The following CERT1 variants were observed in gnomAD, a reference collection of about 807,000 sequenced individuals.
The protein encoded by CERT1 is ceramide transporter 1, also known as ceramide transfer protein.
A neutral mutation model predicts 87.9 loss-of-function variants in CERT1; 31 were observed. That is an observed-to-expected ratio of 0.35 (90% CI 0.27 to 0.48). The LOEUF is 0.48. CERT1 is among the 20% of genes least tolerant of loss of function. The pLI is 0.99. For synonymous variants in CERT1, 289 were observed against 250.9 expected, an observed-to-expected ratio of 1.15 and a Z score of -1.44; for missense variants, 487 against 758.0, an observed-to-expected ratio of 0.64 and a Z score of 4.20.
intron 2 of CERT1, among the ~76,000 whole-genome samples, chr5:75,497,578 A>G (rs2112448262): frequency 6.6e-6 from 1 of 152,098 alleles, no homozygotes; most frequent in East Asian, 1.9e-4. Flanking sequence ...AGGTAATTGA[A>G]TCATGGGGGC....
intron 2 of CERT1, among the ~76,000 whole-genome samples, chr5:75,478,035 G>GATTAGAAGGAAGA (rs1561291235): frequency 1.5e-4 from 23 of 152,202 alleles, no homozygotes; most frequent in African/African-American, 5.5e-4. Flanking sequence ...GGAAGAGGCC[G>GATTAGAAGGAAGA]GGCACAGTGA....
intron 11 of CERT1, among the ~76,000 whole-genome samples, chr5:75,394,205 G>C (rs6898308): frequency 0.06 from 9,099 of 152,168 alleles, 564 homozygotes; most frequent in African/African-American, 0.16. Context: ...CTAATGAAGA[G>C]TTTGGCAGTA....
intron 14 of CERT1, among the ~76,000 whole-genome samples, chr5:75,383,511 C>T (rs1216921082): frequency 1.3e-5 from 2 of 151,998 alleles, no homozygotes; most frequent in East Asian, 3.9e-4. Flanking sequence ...CTGACATTTA[C>T]TAAATTTTAG....
intron 3 of CERT1, among the ~76,000 whole-genome samples, chr5:75,442,849 T>G (rs1393274915): frequency 6.6e-6 from 1 of 152,186 alleles, no homozygotes; most frequent in African/African-American, 2.4e-5. Flanking sequence ...ACTTTTACTA[T>G]AGTATACGTT....
chr5:75,399,400 G>A lies in CERT1; in HGVS notation c.1111-13C>T. 6.2e-7 allele frequency: 1 copy of A among 1,605,600 alleles called. No homozygotes were observed. The highest frequency in any genetic ancestry group is 1.1e-5 in the South Asian group (1 of 90,840). ...AGCGACTATAGGGCTACCAGAGACAGACAAAGAAAAAACCAAGTAATCAGA... is the reference window on the plus strand; with the variant it reads ...AGCGACTATAGGGCTACCAGAGACAAACAAAGAAAAAACCAAGTAATCAGA... On this transcript the variant is annotated splice_polypyrimidine_tract_variant and intron_variant, in intron 10 of 16. Coordinates refer to ENST00000643780, the MANE Select transcript of CERT1 (RefSeq NM_001379029.1).
rs552286468 is a variant in CERT1 at position 75,462,225 on chromosome 5, T to G, written c.232-3044A>C. 6.4e-4 allele frequency among the ~76,000 whole-genome samples: 97 copies of G among 152,262 alleles called. 1 individual carries two copies. The highest frequency in any genetic ancestry group is 1.2e-3 in the Non-Finnish European group (82 of 68,016). On this transcript the variant is annotated intron_variant, in intron 2 of 16. Transcript: ENST00000643780. ...ATGGAAAACATTGAGAGGTGATAAA[T>G]ATAAGATATGATCTAAGGCAGCAGT...
chr5:75,449,961 T>C, intron 3 of CERT1, among the ~76,000 whole-genome samples: 1 of 152,166 alleles, frequency 6.6e-6, no homozygotes, highest in East Asian at 1.9e-4. Flanking sequence ...CATCTCTTCA[T>C]TGGTTGCATT....
intron 2 of CERT1, among the ~76,000 whole-genome samples, chr5:75,472,567 A>G (rs1033218980): frequency 6.6e-6 from 1 of 152,214 alleles, no homozygotes; most frequent in African/African-American, 2.4e-5. Flanking sequence ...AACTCAACTC[A>G]ATAACAAGAA....
chr5:75,400,845 C>T (rs1315545470), intron 9 of CERT1: 1 of 151,854 alleles, frequency 6.6e-6, no homozygotes, highest in Non-Finnish European at 1.5e-5. Flanking sequence ...CCTTCTTCCT[C>T]TTTAGTTTGC....
intron 12 of CERT1, among the ~76,000 whole-genome samples, chr5:75,389,171 G>A (rs1761930578): frequency 6.6e-6 from 1 of 152,062 alleles, no homozygotes; most frequent in Admixed American, 6.5e-5. Flanking sequence ...TAAAGGTGCA[G>A]TAAGAGAAGG....
chr5:75,510,133 C>T (rs1345343160), intron 1 of CERT1, among the ~76,000 whole-genome samples: 1 of 152,126 alleles, frequency 6.6e-6, no homozygotes, highest in Non-Finnish European at 1.5e-5. Flanking sequence ...TAGCCACTGG[C>T]TGCACATGAC....
At chr5:75,394,338 A>G (rs1184079888) in intron 11 of CERT1, among the ~76,000 whole-genome samples, 2 of 151,828 alleles carry the variant, frequency 1.3e-5, no homozygotes, top group East Asian at 3.9e-4. Context: ...TGAGACCCCC[A>G]TATCTACAAA....
intron 2 of CERT1, among the ~76,000 whole-genome samples, chr5:75,503,916 A>AATTAAACATT (rs1374804245): frequency 6.6e-6 from 1 of 151,788 alleles, no homozygotes; most frequent in Non-Finnish European, 1.5e-5. Flanking sequence ...GTTTAATTTA[A>AATTAAACATT]AATTTTCTTT....
upstream of CERT1, chr5:75,511,774 G>C (rs754730594): frequency 1.9e-6 from 3 of 1,551,522 alleles, no homozygotes; most frequent in Non-Finnish European, 2.6e-6. Flanking sequence ...GCTCTCCCGG[G>C]TGACGACGGG....
intron 5 of CERT1, among the ~76,000 whole-genome samples, chr5:75,419,706 G>C (rs965465176): frequency 5.9e-5 from 9 of 151,898 alleles, no homozygotes; most frequent in South Asian, 2.1e-4. Context: ...TCTTTTTAAA[G>C]CTCCCCGAGA....
At chr5:75,411,603 C>A (rs1189054641) in intron 7 of CERT1, among the ~76,000 whole-genome samples, 1 of 152,158 alleles carries the variant, frequency 6.6e-6, no homozygotes, top group South Asian at 2.1e-4. Flanking sequence ...TGAGCCACTG[C>A]ACCCGGCCAC....
Position 75,390,991 on chromosome 5 carries a change from G to A in CERT1, c.1189-1304C>T, listed in dbSNP as rs992189480. On this transcript the variant is annotated intron_variant, in intron 11 of 16. Coordinates refer to ENST00000643780, the MANE Select transcript of CERT1 (RefSeq NM_001379029.1). ...ACATTTTTTTTTTTTTAAGAGACAC[G>A]GTCTCACTTCGTGGCCCAGACTGCA... Among the ~76,000 whole-genome samples, 44 of 150,400 alleles carry A rather than the reference G, an allele frequency of 2.9e-4. 1 individual carries two copies. Among genetic ancestry groups the A allele is most frequent in the African/African-American group, 1.0e-3 (41 of 40,784 alleles).
chr5:75,441,073 G>T (rs1299959778), intron 3 of CERT1, among the ~76,000 whole-genome samples: 1 of 152,060 alleles, frequency 6.6e-6, no homozygotes, highest in Non-Finnish European at 1.5e-5. Flanking sequence ...AAAGTGTTTT[G>T]TTCTAGTATG....
chr5:75,499,407 A>G (rs571663360), intron 2 of CERT1, among the ~76,000 whole-genome samples: 2 of 152,150 alleles, frequency 1.3e-5, no homozygotes, highest in African/African-American at 4.8e-5. Context: ...ACCTGTTATG[A>G]GGTAATTGAA....
Sources: allele counts gnomAD v4.1 joint callset (sites outside exome capture counted in the v4.1 genomes callset), GRCh38; gene constraint gnomAD v4.1.1; transcripts MANE v1.5; gene names NCBI Gene and HGNC (gene_info 2026-07-23, HGNC 2026-07-21).